The following THEMIS variants were observed in gnomAD, a reference collection of about 807,000 sequenced individuals.
THEMIS encodes the protein thymocyte selection associated.
Under a neutral mutation model 52.6 loss-of-function variants are expected in THEMIS, and 37 were observed. That is an observed-to-expected ratio of 0.70 (90% CI 0.54 to 0.93). THEMIS has a LOEUF of 0.93. Ranked by LOEUF, THEMIS falls within the 40% of genes least tolerant of loss-of-function variation. THEMIS has a pLI of 0.00. For missense variants in THEMIS, 808 were observed against 763.1 expected (o/e 1.06, Z -0.69); for synonymous variants, 292 against 272.7 (o/e 1.07, Z -0.70).
intron 1 of THEMIS, among the ~76,000 whole-genome samples, chr6:127,885,765 C>T (rs966370264): frequency 2.0e-5 from 3 of 152,122 alleles, no homozygotes; most frequent in African/African-American, 7.2e-5. Flanking sequence ...ACAAGAAACA[C>T]TTTTGAGCAT....
chr6:127,775,801 T>C (rs1021802838), intron 4 of THEMIS, among the ~76,000 whole-genome samples: 5 of 152,230 alleles, frequency 3.3e-5, no homozygotes, highest in Non-Finnish European at 7.3e-5. Flanking sequence ...TGCTTTTTTG[T>C]AAAATGGTTG....
chr6:127,784,974 TC>T (rs67470767), intron 4 of THEMIS, among the ~76,000 whole-genome samples: 3,088 of 131,388 alleles, frequency 0.024, 124 homozygotes, highest in African/African-American at 0.078. Flanking sequence ...TATCTATCTA[TC>T]TATCTATCTA....
At chr6:127,788,882 G>T (rs943507508) in intron 4 of THEMIS, among the ~76,000 whole-genome samples, 1 of 152,142 alleles carries the variant, frequency 6.6e-6, no homozygotes, top group African/African-American at 2.4e-5. Context: ...CTAAAGTAGT[G>T]TTTAGAGTGA....
intron 3 of THEMIS, among the ~76,000 whole-genome samples, chr6:127,814,139 C>T (rs1778046178): frequency 6.6e-6 from 1 of 152,118 alleles, no homozygotes; most frequent in African/African-American, 2.4e-5. Flanking sequence ...AGCCCATACT[C>T]AGTTTAAGAA....
At chr6:127,722,717 T>C (rs534707250) in intron 4 of THEMIS, among the ~76,000 whole-genome samples, 1 of 152,088 alleles carries the variant, frequency 6.6e-6, no homozygotes, top group Admixed American at 6.6e-5. Context: ...CTTACCTCCT[T>C]GCAAAACATG....
upstream of THEMIS, among the ~76,000 whole-genome samples, chr6:127,903,487 T>C (rs1781195533): frequency 6.6e-6 from 1 of 152,092 alleles, no homozygotes; most frequent in Non-Finnish European, 1.5e-5. Flanking sequence ...GAATGTTTTA[T>C]TCAACAAATG....
At chr6:127,887,504 A>G (rs1780681432) in intron 1 of THEMIS, among the ~76,000 whole-genome samples, 1 of 152,158 alleles carries the variant, frequency 6.6e-6, no homozygotes, top group Admixed American at 6.6e-5. Context: ...ATATCCATAC[A>G]ATAAAATACT....
chr6:127,801,885 T>C (rs575676163), intron 4 of THEMIS, among the ~76,000 whole-genome samples: 117 of 152,264 alleles, frequency 7.7e-4, no homozygotes, highest in African/African-American at 2.6e-3. Flanking sequence ...AAAGAACTGC[T>C]TGAGTTCTCT....
chr6:127,766,748 A>G (rs1210366366), intron 4 of THEMIS, among the ~76,000 whole-genome samples: 1 of 152,208 alleles, frequency 6.6e-6, no homozygotes, highest in African/African-American at 2.4e-5. Context: ...TAGAAAAGAT[A>G]CAGTAAAAAT....
At chr6:127,874,689 C>G (rs1447036720) in intron 1 of THEMIS, among the ~76,000 whole-genome samples, 1 of 152,094 alleles carries the variant, frequency 6.6e-6, no homozygotes, top group East Asian at 1.9e-4. Context: ...AATATTGACT[C>G]AAAATGGATT....
At chr6:127,917,176 A>C (rs1359494876) in intron 1 of THEMIS, among the ~76,000 whole-genome samples, 3 of 152,226 alleles carry the variant, frequency 2.0e-5, no homozygotes, top group Admixed American at 1.3e-4. Flanking sequence ...CGAGTCTCAC[A>C]AACTATAGCA....
intron 1 of THEMIS, among the ~76,000 whole-genome samples, chr6:127,875,727 T>C (rs867919849): frequency 6.6e-6 from 1 of 152,124 alleles, no homozygotes; most frequent in Non-Finnish European, 1.5e-5. Flanking sequence ...AGCACAGTGG[T>C]ATAAAAAGAT....
In THEMIS at chr6:127,781,562, G is replaced by T. The variant is rs538730528; in HGVS notation, c.1758+31321C>A. On this transcript the variant is annotated intron_variant, in intron 4 of 5. Transcript: ENST00000368248. ...TTTGTCTTTGATGTTGGTGACCTTT[G>T]GATGGGGTTTCTGTGTCTGGACATC... is the stretch of plus-strand genomic sequence containing the variant. Among the ~76,000 whole-genome samples, 5 of 152,104 alleles carry T rather than the reference G, an allele frequency of 3.3e-5. No homozygotes were observed. The South Asian group carries it at 1.0e-3, about 32-fold the overall frequency.
chr6:127,822,231 T>C (rs1446193925), intron 3 of THEMIS, among the ~76,000 whole-genome samples: 3 of 152,080 alleles, frequency 2.0e-5, no homozygotes, highest in East Asian at 1.9e-4. Context: ...AGCTCTGCCT[T>C]GTTCCAGACT....
At position 127,813,548 on chromosome 6, in the gene THEMIS, G is replaced by A; in HGVS notation, c.1093C>T (p.Leu365Phe). The change falls in exon 4 of 6, where the codon CTT becomes TTT. Residue 365 changes from leucine to phenylalanine, a missense_variant. Transcript: ENST00000368248. ...LEIAKSEKEP[L>F]HVVATKAFHS... ...AACGCTTTGGTGGCCACCACGTGAA[G>A]AGGCTCCTTTTCACTCTTAGCGATC... 1 of 1,613,318 alleles carries A rather than the reference G, an allele frequency of 6.2e-7. No individual in the cohort carries two copies. The highest frequency in any genetic ancestry group is 8.5e-7 in the Non-Finnish European group (1 of 1,179,746).
chr6:127,871,491 G>GA (rs1311235490), intron 1 of THEMIS, among the ~76,000 whole-genome samples: 1 of 150,846 alleles, frequency 6.6e-6, no homozygotes, highest in Non-Finnish European at 1.5e-5. Flanking sequence ...AAAAGAAACA[G>GA]AAAAAAATAA....
upstream of THEMIS, among the ~76,000 whole-genome samples, chr6:127,905,643 C>T (rs1262454027): frequency 2.0e-5 from 3 of 151,892 alleles, no homozygotes; most frequent in African/African-American, 4.8e-5. Context: ...AATATATCTG[C>T]ACTATATATA....
chr6:127,818,215 C>T (rs1249302332), intron 3 of THEMIS, among the ~76,000 whole-genome samples: 4 of 152,068 alleles, frequency 2.6e-5, no homozygotes, highest in Non-Finnish European at 4.4e-5. Flanking sequence ...CCAAAGGGGA[C>T]AAAAAAGCTG....
chr6:127,864,606 C>T lies in THEMIS; in HGVS notation c.92-9418G>A, dbSNP rs577416182. Among the ~76,000 whole-genome samples the T allele has an allele frequency of 2.6e-5, 4 of 152,150 alleles. No individual in the cohort carries two copies. The South Asian group carries it at 8.3e-4, about 32-fold the overall frequency. ...TTCTATAAATACCCTACTCAGCATC[C>T]CCTGTGATCAGATTCAGGAAGCGGT... On this transcript the variant is annotated intron_variant, in intron 1 of 5. Transcript: ENST00000368248.
Sources: gnomAD v4.1 joint callset for allele counts (sites outside exome capture counted in the v4.1 genomes callset) on GRCh38, gnomAD v4.1.1 for gene constraint, MANE v1.5 for transcripts, NCBI Gene and HGNC (gene_info 2026-07-23, HGNC 2026-07-21) for gene names.